Variants in ASPRV1 observed in about 807,000 individuals in gnomAD.
ASPRV1 encodes retroviral-like aspartic protease 1.
Under a neutral mutation model 11.0 loss-of-function variants are expected in ASPRV1, and 7 were observed. That is an observed-to-expected ratio of 0.64 (90% CI 0.36 to 1.20). The LOEUF (loss-of-function observed/expected upper bound fraction) is 1.20, where lower values mean the gene tolerates loss of function less well. ASPRV1 is among the 50% of genes most tolerant of loss of function. The probability of loss-of-function intolerance (pLI) is 0.02; values close to 1 mark genes in which losing one functional copy is unlikely to be tolerated. For synonymous variants in ASPRV1, 136 were observed against 138.4 expected (o/e 0.98, Z 0.12); for missense variants, 299 against 320.0 (o/e 0.93, Z 0.50).
chr2:70,082,418 CAAAA>C, the ASPRV1 span, among the ~76,000 whole-genome samples: 1 of 151,722 alleles, frequency 6.6e-6, no homozygotes, highest in African/African-American at 2.4e-5. Context: ...AAAATAAAAA[CAAAA>C]AAATTAGGCC....
At chr2:70,084,885 A>G in the ASPRV1 span, among the ~76,000 whole-genome samples, 2 of 152,222 alleles carry the variant, frequency 1.3e-5, no homozygotes, top group African/African-American at 2.4e-5. Context: ...ATGTTCGTAG[A>G]GTTATATAAA....
the ASPRV1 span, among the ~76,000 whole-genome samples, chr2:70,078,671 G>T: frequency 6.6e-6 from 1 of 152,180 alleles, no homozygotes; most frequent in Non-Finnish European, 1.5e-5. Context: ...AAGGGGAAGT[G>T]GTAGGAAATG....
At chr2:70,043,123 G>C in the ASPRV1 span, among the ~76,000 whole-genome samples, 1 of 152,136 alleles carries the variant, frequency 6.6e-6, no homozygotes, top group Non-Finnish European at 1.5e-5. Flanking sequence ...AAGTCAACTA[G>C]GAAGGGTCTC....
chr2:69,961,358 C>T lies in ASPRV1; in HGVS notation c.79G>A (p.Val27Ile), dbSNP rs761869900. The T allele has an allele frequency of 2.5e-6, 4 of 1,614,032 alleles. No individual in the cohort carries two copies. In the African/African-American group the frequency reaches 5.3e-5, roughly 22 times the overall value. ...CTGTGCAGCCAGAGGTTTGGGACGACATTGGCCCCATCAAAAGGTTCCGGG... is the reference window on the plus strand; with the variant it reads ...CTGTGCAGCCAGAGGTTTGGGACGATATTGGCCCCATCAAAAGGTTCCGGG... Reference protein sequence around the residue: ...FVPEPFDGANVVPNLWLHSFE... With the variant: ...FVPEPFDGANIVPNLWLHSFE... Residue 27 changes from valine (V) to isoleucine (I), a missense_variant, in exon 1 of 1, where the codon GTC (valine) becomes ATC (isoleucine). Val to Ile is a conservative substitution (Grantham distance 29). Transcript: ENST00000320256.
At chr2:69,966,371 G>A (rs919989663), upstream of ASPRV1, among the ~76,000 whole-genome samples, 5 of 152,320 alleles carry the variant, frequency 3.3e-5, no homozygotes, top group East Asian at 1.9e-4. Flanking sequence ...AGACCAAGCC[G>A]TCATCCTTTC....
upstream of ASPRV1, chr2:69,964,218 A>T (rs779395635): frequency 8.6e-6 from 3 of 350,696 alleles, no homozygotes; most frequent in Non-Finnish European, 1.7e-5. Context: ...CTCACCAAGG[A>T]GCCCAAGCCC....
chr2:70,022,346 A>AACACACACACACACTTACACAC, the ASPRV1 span, among the ~76,000 whole-genome samples: 1 of 138,524 alleles, frequency 7.2e-6, no homozygotes, highest in Non-Finnish European at 1.6e-5. Flanking sequence ...TTCTTACCAA[A>AACACACACACACACTTACACAC]ACACACACAC....
chr2:69,982,864 C>G, the ASPRV1 span, among the ~76,000 whole-genome samples: 2 of 152,202 alleles, frequency 1.3e-5, no homozygotes, highest in South Asian at 2.1e-4. Context: ...AAAGGGCTAG[C>G]AAGGCTGGCA....
At chr2:70,006,542 C>T in the ASPRV1 span, among the ~76,000 whole-genome samples, 18 of 152,064 alleles carry the variant, frequency 1.2e-4, no homozygotes, top group Non-Finnish European at 2.2e-4. Flanking sequence ...GCCTTGGCCT[C>T]GGTTAGAGGG....
At chr2:70,086,529 C>G in the ASPRV1 span, 2 of 152,210 alleles carry the variant, frequency 1.3e-5, no homozygotes, top group Non-Finnish European at 2.9e-5. Flanking sequence ...CCCCCTTGAG[C>G]CTGGCGCAGT....
upstream of ASPRV1, among the ~76,000 whole-genome samples, chr2:69,963,966 T>C (rs557723571): frequency 5.1e-4 from 77 of 152,260 alleles, 1 homozygote; most frequent in Admixed American, 3.9e-3. Context: ...AGGAATTTGG[T>C]GAGTCAATTG....
chr2:70,007,993 G>A, the ASPRV1 span, among the ~76,000 whole-genome samples: 4 of 151,934 alleles, frequency 2.6e-5, no homozygotes, highest in East Asian at 1.9e-4. Context: ...GCTCCATCAC[G>A]CCTGGCTAAT....
the ASPRV1 span, among the ~76,000 whole-genome samples, chr2:70,067,194 G>A: frequency 1.3e-5 from 2 of 152,198 alleles, no homozygotes; most frequent in African/African-American, 4.8e-5. Context: ...AGGTAGGGAG[G>A]ACAAGTCCTA....
the ASPRV1 span, among the ~76,000 whole-genome samples, chr2:69,966,889 G>C: frequency 1.3e-5 from 2 of 152,164 alleles, no homozygotes; most frequent in Admixed American, 1.3e-4. Context: ...CGACAGAGAG[G>C]GGGTACCTTC....
At chr2:70,043,874 T>G in the ASPRV1 span, among the ~76,000 whole-genome samples, 3 of 152,204 alleles carry the variant, frequency 2.0e-5, no homozygotes, top group African/African-American at 7.2e-5. Flanking sequence ...GCTGGTGGGC[T>G]ATCTACTCAG....
the ASPRV1 span, chr2:70,085,957 G>A: frequency 6.6e-6 from 1 of 152,218 alleles, no homozygotes; most frequent in Admixed American, 6.5e-5. Context: ...GTTTCTAAAT[G>A]CTTTGGTACT....
At chr2:69,956,323 C>T (rs1677934395), downstream of ASPRV1, among the ~76,000 whole-genome samples, 1 of 151,940 alleles carries the variant, frequency 6.6e-6, no homozygotes, top group African/African-American at 2.4e-5. Flanking sequence ...AGAATTAGTC[C>T]TGTAAGCCCA....
At chr2:69,996,586 A>G in the ASPRV1 span, 4 of 397,876 alleles carry the variant, frequency 1.0e-5, no homozygotes, top group South Asian at 7.4e-5. Context: ...TAATTTATTC[A>G]TTCCTTCAGG....
the ASPRV1 span, among the ~76,000 whole-genome samples, chr2:69,972,927 GC>G: frequency 2.0e-5 from 3 of 151,812 alleles, no homozygotes; most frequent in African/African-American, 7.3e-5. Context: ...TCCACCTGAG[GC>G]CCCCTCCAAC....
Sources: gnomAD v4.1 joint callset for allele counts (sites outside exome capture counted in the v4.1 genomes callset) on GRCh38, gnomAD v4.1.1 for gene constraint, MANE v1.5 for transcripts, NCBI Gene and HGNC (gene_info 2026-07-23, HGNC 2026-07-21) for gene names.